The following KCND3 variants were observed in gnomAD, a reference collection of about 807,000 sequenced individuals.
KCND3 encodes the protein A-type voltage-gated potassium channel KCND3.
A neutral mutation model predicts 51.1 loss-of-function variants in KCND3; 9 were observed. The ratio of observed to expected loss-of-function variants is 0.18; its 90% CI spans 0.11 to 0.31. KCND3 has a LOEUF of 0.31. Ranked by LOEUF, KCND3 falls within the 10% of genes least tolerant of loss-of-function variation. The pLI is 1.00. For missense variants in KCND3, 526 were observed against 903.8 expected (o/e 0.58, Z 5.36); for synonymous variants, 349 against 368.0 (o/e 0.95, Z 0.59).
intron 2 of KCND3, among the ~76,000 whole-genome samples, chr1:111,843,287 T>C (rs1198098463): frequency 6.6e-6 from 1 of 152,166 alleles, no homozygotes; most frequent in Admixed American, 6.5e-5. Context: ...TAGACTCCAG[T>C]CCCACCAGAG....
chr1:111,778,625 C>T, intron 5 of KCND3, 133 bp from the exon 6 acceptor site: 1 of 855,192 alleles, frequency 1.2e-6, no homozygotes, highest in South Asian at 1.4e-5. Flanking sequence ...ACCCCTCATT[C>T]CCAGCATTCT....
At chr1:111,839,564 T>C (rs538358684) in intron 2 of KCND3, among the ~76,000 whole-genome samples, 16 of 152,250 alleles carry the variant, frequency 1.1e-4, no homozygotes, top group Non-Finnish European at 2.1e-4. Context: ...AACCTTTATT[T>C]AAGGGTTTGA....
chr1:111,886,475 C>T (rs1303318492), intron 2 of KCND3, among the ~76,000 whole-genome samples: 1 of 152,196 alleles, frequency 6.6e-6, no homozygotes, highest in Non-Finnish European at 1.5e-5. Context: ...GGATATGAAA[C>T]CTGTCTTCAA....
At chr1:111,812,577 C>G (rs190450228) in intron 2 of KCND3, among the ~76,000 whole-genome samples, 477 of 152,306 alleles carry the variant, frequency 3.1e-3, no homozygotes, top group Non-Finnish European at 4.1e-3. Context: ...TCACGTGGAC[C>G]TTTTACATTT....
chr1:111,785,051 A>AAAC (rs1664548683), intron 3 of KCND3, among the ~76,000 whole-genome samples: 1 of 152,032 alleles, frequency 6.6e-6, no homozygotes, highest in African/African-American at 2.4e-5. Flanking sequence ...CCCATCTCTA[A>AAAC]AATAATAATA....
chr1:111,858,353 T>C (rs1476325038), intron 2 of KCND3, among the ~76,000 whole-genome samples: 1 of 152,172 alleles, frequency 6.6e-6, no homozygotes, highest in Non-Finnish European at 1.5e-5. Flanking sequence ...AAGTTCAACC[T>C]ATCCTGAGCC....
intron 2 of KCND3, among the ~76,000 whole-genome samples, chr1:111,887,645 C>T (rs1189160118): frequency 6.6e-6 from 1 of 152,178 alleles, no homozygotes; most frequent in African/African-American, 2.4e-5. Flanking sequence ...GCAGGTAAGC[C>T]ACATTTAAAG....
At chr1:111,908,765 A>G (rs952310618) in intron 2 of KCND3, among the ~76,000 whole-genome samples, 2 of 152,094 alleles carry the variant, frequency 1.3e-5, no homozygotes, top group Admixed American at 1.3e-4. Context: ...CTCTTCTCCT[A>G]TCATAGAAAG....
chr1:111,829,932 T>C (rs1045775271), intron 2 of KCND3, among the ~76,000 whole-genome samples: 1 of 152,202 alleles, frequency 6.6e-6, no homozygotes, highest in Admixed American at 6.5e-5. Context: ...TAGTGTTGCG[T>C]TGACCCTCTC....
intron 2 of KCND3, among the ~76,000 whole-genome samples, chr1:111,949,377 A>G (rs1672944217): frequency 6.6e-6 from 1 of 152,218 alleles, no homozygotes; most frequent in Admixed American, 6.5e-5. Context: ...CAGGAAAAAG[A>G]GCAACCTAGG....
intron 2 of KCND3, among the ~76,000 whole-genome samples, chr1:111,964,196 C>T (rs1037472432): frequency 3.9e-5 from 6 of 152,196 alleles, no homozygotes; most frequent in African/African-American, 1.4e-4. Flanking sequence ...CAATACTGGG[C>T]TCTGGGACTT....
chr1:111,987,268 A>T (rs959143985), intron 1 of KCND3, among the ~76,000 whole-genome samples: 4 of 152,058 alleles, frequency 2.6e-5, no homozygotes, highest in Non-Finnish European at 4.4e-5. Context: ...TCCTTTACAA[A>T]CTGCTTTCAG....
chr1:111,976,289 A>G (rs1213014715), intron 2 of KCND3, among the ~76,000 whole-genome samples: 1 of 152,196 alleles, frequency 6.6e-6, no homozygotes, highest in South Asian at 2.1e-4. Context: ...CAAGAGTTGG[A>G]GGCAAACTTC....
intron 2 of KCND3, among the ~76,000 whole-genome samples, chr1:111,930,497 C>G (rs2101859339): frequency 6.6e-6 from 1 of 152,282 alleles, no homozygotes; most frequent in East Asian, 1.9e-4. Context: ...AGCAGTAGAC[C>G]AAGAAGCCAG....
At chr1:111,902,302 C>A (rs780560591) in intron 2 of KCND3, among the ~76,000 whole-genome samples, 1 of 152,144 alleles carries the variant, frequency 6.6e-6, no homozygotes, top group Non-Finnish European at 1.5e-5. Flanking sequence ...GTGAGGAGGA[C>A]GTGACTTAAC....
chr1:111,940,011 T>C (rs1672418851), intron 2 of KCND3, among the ~76,000 whole-genome samples: 1 of 151,680 alleles, frequency 6.6e-6, no homozygotes, highest in Non-Finnish European at 1.5e-5. Flanking sequence ...ATATGTTTGT[T>C]GGCCGAATAA....
At chr1:111,811,782 T>C (rs747743217) in intron 2 of KCND3, among the ~76,000 whole-genome samples, 3 of 152,198 alleles carry the variant, frequency 2.0e-5, no homozygotes, top group Non-Finnish European at 4.4e-5. Flanking sequence ...ATTTTCAACT[T>C]CCCCTGGAGA....
chr1:111,930,892 C>T (rs2101860502), intron 2 of KCND3, among the ~76,000 whole-genome samples: 2 of 152,304 alleles, frequency 1.3e-5, no homozygotes, highest in Middle Eastern at 6.8e-3. Flanking sequence ...CTCAGTTCTG[C>T]AGGTGAAAAA....
intron 2 of KCND3, among the ~76,000 whole-genome samples, chr1:111,843,818 C>T (rs984298206): frequency 6.6e-6 from 1 of 152,148 alleles, no homozygotes; most frequent in Non-Finnish European, 1.5e-5. Flanking sequence ...ATACTGAAAA[C>T]CCAAGTGCTG....
Sources: gnomAD v4.1 joint callset for allele counts (sites outside exome capture counted in the v4.1 genomes callset) on GRCh38, gnomAD v4.1.1 for gene constraint, MANE v1.5 for transcripts, NCBI Gene and HGNC (gene_info 2026-07-23, HGNC 2026-07-21) for gene names.